Variants in RNLS observed in about 807,000 individuals in gnomAD.
The protein encoded by RNLS is renalase.
A neutral mutation model predicts 39.8 loss-of-function variants in RNLS; 39 were observed. The observed-to-expected ratio is 0.98, with a 90% CI of 0.76 to 1.28. RNLS has a LOEUF of 1.28. RNLS is among the 50% of genes most tolerant of loss of function. RNLS has a pLI of 0.00. For synonymous variants in RNLS, 147 were observed against 150.7 expected (o/e 0.98, Z 0.18); for missense variants, 410 against 413.3 (o/e 0.99, Z 0.07).
At chr10:88,473,739 T>C (rs1843665375) in intron 4 of RNLS, among the ~76,000 whole-genome samples, 1 of 152,162 alleles carries the variant, frequency 6.6e-6, no homozygotes, top group African/African-American at 2.4e-5. Context: ...ATAAAGGAGA[T>C]TTTTTAAAAA....
chr10:88,458,698 C>T (rs750410460), intron 4 of RNLS, among the ~76,000 whole-genome samples: 2 of 152,026 alleles, frequency 1.3e-5, no homozygotes, highest in Non-Finnish European at 1.5e-5. Flanking sequence ...GAATACTGCA[C>T]ACAAAGGTTC....
chr10:88,311,885 G>C (rs1208924913), intron 6 of RNLS, among the ~76,000 whole-genome samples: 1 of 152,220 alleles, frequency 6.6e-6, no homozygotes, highest in Non-Finnish European at 1.5e-5. Flanking sequence ...ATCAGAAACT[G>C]TCCCCACACA....
chr10:88,235,267 C>A, the RNLS span, among the ~76,000 whole-genome samples: 383 of 61,822 alleles, frequency 6.2e-3, no homozygotes, highest in African/African-American at 0.013. Context: ...GACTCTATCT[C>A]AAAAAAAAAA....
chr10:88,449,098 T>C (rs891631032), intron 4 of RNLS, among the ~76,000 whole-genome samples: 2 of 152,222 alleles, frequency 1.3e-5, no homozygotes, highest in South Asian at 4.1e-4. Context: ...TGTATACATA[T>C]GTAACAAACC....
the RNLS span, among the ~76,000 whole-genome samples, chr10:88,256,488 C>T: frequency 3.3e-5 from 5 of 152,222 alleles, no homozygotes; most frequent in Admixed American, 6.5e-5. Context: ...GGGAACTCGG[C>T]CTGAAAACCT....
intron 3 of RNLS, among the ~76,000 whole-genome samples, chr10:88,575,559 T>C (rs1389210299): frequency 6.6e-6 from 1 of 152,122 alleles, no homozygotes; most frequent in Admixed American, 6.6e-5. Flanking sequence ...AGAAATGGTA[T>C]AGCCTCTCTT....
chr10:88,416,359 T>C (rs1003588586), intron 4 of RNLS, among the ~76,000 whole-genome samples: 1 of 152,080 alleles, frequency 6.6e-6, no homozygotes, highest in Non-Finnish European at 1.5e-5. Flanking sequence ...GTTCAAGCGA[T>C]TCTCCTGCCT....
At chr10:88,451,730 A>C (rs1292402496) in intron 4 of RNLS, among the ~76,000 whole-genome samples, 2 of 152,172 alleles carry the variant, frequency 1.3e-5, no homozygotes, top group Admixed American at 1.3e-4. Flanking sequence ...TGCCCCACCC[A>C]TCAACCCTCA....
At chr10:88,478,028 C>G (rs907035083) in intron 4 of RNLS, among the ~76,000 whole-genome samples, 9 of 152,322 alleles carry the variant, frequency 5.9e-5, no homozygotes, top group South Asian at 2.1e-4. Context: ...AGATTTTTAT[C>G]TGGTAACTTC....
At chr10:88,474,537 G>A (rs1205892024) in intron 4 of RNLS, among the ~76,000 whole-genome samples, 1 of 152,166 alleles carries the variant, frequency 6.6e-6, no homozygotes, top group Non-Finnish European at 1.5e-5. Flanking sequence ...TTCACAGCAA[G>A]TGTATTAAAT....
the RNLS span, among the ~76,000 whole-genome samples, chr10:88,250,566 G>T: frequency 2.6e-5 from 4 of 152,210 alleles, no homozygotes; most frequent in African/African-American, 4.8e-5. Flanking sequence ...GACCATCAGT[G>T]AGTGAGAATG....
chr10:88,288,625 A>G (rs1427505634), intron 6 of RNLS, among the ~76,000 whole-genome samples: 1 of 152,160 alleles, frequency 6.6e-6, no homozygotes, highest in African/African-American at 2.4e-5. Flanking sequence ...ATTAACCAGG[A>G]AGGAGTTTAA....
At chr10:88,195,159 A>C in the RNLS span, among the ~76,000 whole-genome samples, 1 of 152,174 alleles carries the variant, frequency 6.6e-6, no homozygotes, top group African/African-American at 2.4e-5. Context: ...ACCCTGAATG[A>C]GATATTTTTG....
intron 3 of RNLS, among the ~76,000 whole-genome samples, chr10:88,574,066 G>A (rs545349401): frequency 2.0e-5 from 3 of 152,176 alleles, no homozygotes; most frequent in South Asian, 4.2e-4. Flanking sequence ...GCTTGAACTC[G>A]GGAGGCAGAG....
chr10:88,507,865 G>A (rs1351566864), intron 4 of RNLS, among the ~76,000 whole-genome samples: 1 of 152,130 alleles, frequency 6.6e-6, no homozygotes, highest in African/African-American at 2.4e-5. Flanking sequence ...ATGATTTTGA[G>A]CTATGATTAC....
chr10:88,493,637 C>A (rs890148712), intron 4 of RNLS, among the ~76,000 whole-genome samples: 4 of 152,046 alleles, frequency 2.6e-5, no homozygotes, highest in Non-Finnish European at 5.9e-5. Context: ...TACATTGTTG[C>A]AGGGATAGAT....
chr10:88,563,559 T>C (rs1849315363), intron 4 of RNLS, among the ~76,000 whole-genome samples: 1 of 152,128 alleles, frequency 6.6e-6, no homozygotes, highest in African/African-American at 2.4e-5. Flanking sequence ...ATCTTAAGTA[T>C]AGCATTAAGG....
At chr10:88,300,963 G>T (rs139121875) in intron 6 of RNLS, among the ~76,000 whole-genome samples, 1 of 152,078 alleles carries the variant, frequency 6.6e-6, no homozygotes. Context: ...AACATCCACC[G>T]TCCAATTTTA....
chr10:88,441,273 G>A (rs961663768), intron 4 of RNLS, among the ~76,000 whole-genome samples: 2 of 152,104 alleles, frequency 1.3e-5, no homozygotes, highest in African/African-American at 4.8e-5. Flanking sequence ...CTATTCTTCT[G>A]AGTTTCTATC....
Sources: gnomAD v4.1 joint callset for allele counts (sites outside exome capture counted in the v4.1 genomes callset) on GRCh38, gnomAD v4.1.1 for gene constraint, MANE v1.5 for transcripts, NCBI Gene and HGNC (gene_info 2026-07-23, HGNC 2026-07-21) for gene names.